Variants in ZNF536 observed in about 807,000 individuals in gnomAD.
The protein encoded by ZNF536 is zinc finger protein 536.
A neutral mutation model predicts 84.5 loss-of-function variants in ZNF536; 13 were observed. The observed-to-expected ratio is 0.15, with a 90% CI of 0.10 to 0.24. The LOEUF is 0.24. Ranked by LOEUF, ZNF536 falls within the 10% of genes least tolerant of loss-of-function variation. The probability of loss-of-function intolerance (pLI) is 1.00; values close to 1 mark genes in which losing one functional copy is unlikely to be tolerated. For synonymous variants in ZNF536, 811 were observed against 742.5 expected, an observed-to-expected ratio of 1.09 and a Z score of -1.50; for missense variants, 1,536 against 1,747.5, an observed-to-expected ratio of 0.88 and a Z score of 2.16.
chr19:30,387,230 G>A (rs2049380941), intron 1 of ZNF536, among the ~76,000 whole-genome samples: 1 of 152,208 alleles, frequency 6.6e-6, no homozygotes, highest in South Asian at 2.1e-4. Context: ...TGGGGAGAAA[G>A]GCAGGTGCTT....
intron 2 of ZNF536, among the ~76,000 whole-genome samples, chr19:30,506,337 G>A (rs1179941126): frequency 1.3e-5 from 2 of 152,070 alleles, no homozygotes; most frequent in Non-Finnish European, 2.9e-5. Context: ...CATCTCCTTT[G>A]ACAATGATTC....
At chr19:30,711,346 T>C (rs16964557) in exon 2 of ZNF536, 18,931 of 152,076 alleles carry the variant, frequency 0.12, 1,377 homozygotes, top group East Asian at 0.36. Flanking sequence ...TGCTCTTAAC[T>C]GAAAAACGAT....
At chr19:30,687,389 C>T (rs1046233548) in intron 1 of ZNF536, among the ~76,000 whole-genome samples, 3 of 152,166 alleles carry the variant, frequency 2.0e-5, no homozygotes, top group African/African-American at 2.4e-5. Flanking sequence ...GTGTACAGGA[C>T]GGGGCATCAA....
chr19:30,473,037 C>CAA (rs57627848), intron 2 of ZNF536, among the ~76,000 whole-genome samples: 6 of 107,372 alleles, frequency 5.6e-5, no homozygotes, highest in East Asian at 2.5e-4. Context: ...ACTAAGAATA[C>CAA]AAAAAAAAAA....
upstream of ZNF536, among the ~76,000 whole-genome samples, chr19:30,371,485 G>T (rs985420507): frequency 6.6e-6 from 1 of 151,842 alleles, no homozygotes; most frequent in African/African-American, 2.4e-5. Flanking sequence ...TGGCATATGC[G>T]TTTGGGCCAA....
At chr19:30,490,691 C>CT (rs1295856981) in intron 2 of ZNF536, among the ~76,000 whole-genome samples, 1 of 152,138 alleles carries the variant, frequency 6.6e-6, no homozygotes, top group Admixed American at 6.5e-5. Flanking sequence ...TAAGTATGTC[C>CT]TAGGGCACCC....
At chr19:30,382,679 A>G (rs923101972) in intron 1 of ZNF536, among the ~76,000 whole-genome samples, 2 of 151,872 alleles carry the variant, frequency 1.3e-5, no homozygotes, top group African/African-American at 4.8e-5. Flanking sequence ...GCCGATAGTG[A>G]GGGAAGGAAG....
intron 1 of ZNF536, among the ~76,000 whole-genome samples, chr19:30,614,336 A>G (rs1364473515): frequency 1.3e-5 from 2 of 152,022 alleles, no homozygotes; most frequent in African/African-American, 4.8e-5. Flanking sequence ...TTAGAGATCT[A>G]CTATAATTTA....
At chr19:30,456,926 C>T (rs778804207) in intron 2 of ZNF536, among the ~76,000 whole-genome samples, 20 of 151,480 alleles carry the variant, frequency 1.3e-4, no homozygotes, top group South Asian at 8.3e-4. Context: ...CCTGTAATCC[C>T]AGCTACTAGG....
chr19:30,247,876 A>G (rs1027694700), intron 1 of ZNF536, among the ~76,000 whole-genome samples: 4 of 152,180 alleles, frequency 2.6e-5, no homozygotes, highest in Non-Finnish European at 5.9e-5. Context: ...AGCAAACCTT[A>G]TTTATTGCCT....
At chr19:30,249,713 A>G (rs1338876465) in intron 1 of ZNF536, among the ~76,000 whole-genome samples, 1 of 151,590 alleles carries the variant, frequency 6.6e-6, no homozygotes, top group Non-Finnish European at 1.5e-5. Context: ...TCAGGTGGAA[A>G]CCCCCCACCC....
At position 30,228,832 on chromosome 19, in the gene ZNF536, G is replaced by C. The variant is rs1351818732; in HGVS notation, c.-190+159G>C. On this transcript the variant is annotated intron_variant, in intron 1 of 5. Transcript: ENST00000585628. The surrounding 1 kb of genome is among the most constrained non-coding windows in gnomAD (Gnocchi z 4.5). ...GCCTCCGCGGGCTCCGGGACTGCCC[G>C]GCTGGCTGCTCGCACAACTTTTTTT... 9 of 151,422 alleles carry C rather than the reference G, an allele frequency of 5.9e-5. No homozygotes were observed. Among genetic ancestry groups the C allele is most frequent in the Admixed American group, 2.0e-4 (3 of 15,208 alleles). 9.4% of individuals were successfully genotyped at this position (151,422 alleles called of 1,614,324 possible).
chr19:30,466,001 C>T lies in ZNF536; in HGVS notation c.2170+20269C>T, dbSNP rs539619654. Among the ~76,000 whole-genome samples, 28 of 152,192 alleles carry T rather than the reference C, an allele frequency of 1.8e-4. 1 individual carries two copies. The highest frequency in any genetic ancestry group is 3.1e-4 in the Non-Finnish European group (21 of 68,020). On this transcript the variant is annotated intron_variant, in intron 2 of 4. Coordinates refer to ENST00000355537, the MANE Select transcript of ZNF536 (RefSeq NM_014717.3). ...TCCTGACCTTGTGATCCGACCACCT[C>T]GGCCTCCCAAAATGCTGGGATTACA...
chr19:30,702,875 C>G (rs1017898201), intron 1 of ZNF536, among the ~76,000 whole-genome samples: 1 of 152,178 alleles, frequency 6.6e-6, no homozygotes. Context: ...TGAGTAACAA[C>G]AATCATCAAA....
At chr19:30,462,840 G>T (rs1194680990) in intron 2 of ZNF536, among the ~76,000 whole-genome samples, 2 of 145,038 alleles carry the variant, frequency 1.4e-5, no homozygotes, top group Non-Finnish European at 3.0e-5. Context: ...TGGTGTGAGT[G>T]TTGTGTGGAT....
intron 1 of ZNF536, among the ~76,000 whole-genome samples, chr19:30,688,936 C>T (rs1349462340): frequency 2.0e-5 from 3 of 152,214 alleles, no homozygotes; most frequent in Non-Finnish European, 4.4e-5. Flanking sequence ...GTCTGAGCCT[C>T]CAGGGACCTG....
At chr19:30,471,898 T>C (rs538653453) in intron 2 of ZNF536, among the ~76,000 whole-genome samples, 74 of 152,296 alleles carry the variant, frequency 4.9e-4, no homozygotes, top group Non-Finnish European at 7.9e-4. Flanking sequence ...TTCTCAGTGC[T>C]CAAAGCAGCA....
At chr19:30,239,062 G>A (rs2023751055) in intron 1 of ZNF536, among the ~76,000 whole-genome samples, 1 of 152,104 alleles carries the variant, frequency 6.6e-6, no homozygotes, top group African/African-American at 2.4e-5. Flanking sequence ...TGGAATTCTG[G>A]GCTGGCTTTC....
At chr19:30,670,865 T>A (rs1471519235) in intron 1 of ZNF536, among the ~76,000 whole-genome samples, 2 of 152,150 alleles carry the variant, frequency 1.3e-5, no homozygotes, top group Non-Finnish European at 2.9e-5. Flanking sequence ...ACAGAGAAGG[T>A]ACTCTGTCCA....
Sources: gnomAD v4.1 joint callset for allele counts (sites outside exome capture counted in the v4.1 genomes callset) on GRCh38, gnomAD v4.1.1 for gene constraint, Gnocchi (gnomAD v3.1) non-coding constraint, MANE v1.5 for transcripts, NCBI Gene and HGNC (gene_info 2026-07-23, HGNC 2026-07-21) for gene names.